The following DDR1 variants were observed in gnomAD, a reference collection of about 807,000 sequenced individuals.
The protein encoded by DDR1 is epithelial discoidin domain-containing receptor 1.
In DDR1, 64 loss-of-function variants were observed where a neutral mutation model predicts 97.4. The ratio of observed to expected loss-of-function variants is 0.66; its 90% CI spans 0.54 to 0.81. The LOEUF (loss-of-function observed/expected upper bound fraction) is 0.81, where lower values mean the gene tolerates loss of function less well. Among genes scored for constraint, DDR1 ranks in the 30% least tolerant of loss-of-function variants. DDR1 has a pLI of 0.00. For synonymous variants in DDR1, 458 were observed against 503.7 expected, an observed-to-expected ratio of 0.91 and a Z score of 1.21; for missense variants, 990 against 1,259.6, an observed-to-expected ratio of 0.79 and a Z score of 3.24.
chr6:30,885,042 C>T (rs1785272189), intron 1 of DDR1: 1 of 631,234 alleles, frequency 1.6e-6, no homozygotes, highest in Non-Finnish European at 2.8e-6. Context: ...GTCAGCTCAT[C>T]TATCGCCTGC....
chr6:30,897,271 G>A lies in DDR1; in HGVS notation c.1998-108G>A. The A allele has an allele frequency of 6.8e-7, 1 of 1,466,134 alleles. No individual in the cohort carries two copies. Among genetic ancestry groups the A allele is most frequent in the South Asian group, 1.3e-5 (1 of 77,636 alleles). The allele number at this position is 1,466,134 out of a possible 1,614,324, so 90.8% of individuals were successfully genotyped here. A position where few individuals can be genotyped will look rare whatever the true frequency, so the allele number is the denominator to read the frequency against. On this transcript the variant is annotated intron_variant, in intron 14 of 17. Coordinates refer to ENST00000376568, the MANE Select transcript of DDR1 (RefSeq NM_001297654.2). This position sits in a 1 kb window ranked among gnomAD's most constrained non-coding sequence, Gnocchi z 5.2. ...TGGGAGGGGATTTACATGTACGCTG[G>A]GGGTGGGGACGCCTGGTCTGCCTGA...
rs2150346874 is a variant in DDR1 at position 30,891,999 on chromosome 6, C to T, written c.666-3C>T. 3 of 1,613,858 alleles carry T rather than the reference C, an allele frequency of 1.9e-6. No individual in the cohort carries two copies. The highest frequency in any genetic ancestry group is 1.7e-6 in the Non-Finnish European group (2 of 1,179,930). ...TCCTCTTCCTTGGTCCCCTCTTCTC[C>T]AGACTGCAGTATGGGGGTCTGGGCC... On this transcript the variant is annotated splice_region_variant and splice_polypyrimidine_tract_variant and intron_variant, in intron 6 of 17. Coordinates refer to ENST00000376568, the MANE Select transcript of DDR1 (RefSeq NM_001297654.2). The surrounding 1 kb of genome is among the most constrained non-coding windows in gnomAD (Gnocchi z 5.3).
chr6:30,893,140 C>T lies in DDR1; in HGVS notation c.1172C>T (p.Pro391Leu), dbSNP rs1281654800. The part of the protein sequence containing the change: ...PPAPWWPPGP[P>L]PTNFSSLELE... Reference sequence around the variant, plus strand: ...GCCCCCTGGTGGCCGCCTGGCCCACCTCCCACCAACTTCAGCAGCTTGGGT... The same window carrying T: ...GCCCCCTGGTGGCCGCCTGGCCCACTTCCCACCAACTTCAGCAGCTTGGGT... Residue 391 changes from proline (P) to leucine (L), a missense_variant, in exon 9 of 18, where the codon CCT becomes CTT. Coordinates refer to ENST00000376568, the MANE Select transcript of DDR1 (RefSeq NM_001297654.2). 6.2e-7 allele frequency: 1 copy of T among 1,609,874 alleles called. No individual in the cohort carries two copies. Among genetic ancestry groups the T allele is most frequent in the African/African-American group, 1.3e-5 (1 of 74,934 alleles).
rs1788854728 is a variant in DDR1, at chr6:30,892,459, G to T, written c.1016G>T (p.Gly339Val). 2 of 1,609,852 alleles carry T rather than the reference G, an allele frequency of 1.2e-6. No homozygotes were observed. Among genetic ancestry groups the T allele is most frequent in the East Asian group, 4.5e-5 (2 of 44,880 alleles). ...GCCCGGGCTGTCTCAGTGCCCCTTG[G>T]CGGCCGTGTGGCTCGCTTTCTGCAG... ...PRARAVSVPL[G>V]GRVARFLQCR... Residue 339 changes from glycine (G) to valine (V), a missense_variant, in exon 8 of 18, where the codon GGC becomes GTC. Gly to Val is a moderately radical substitution (Grantham distance 109). Transcript: ENST00000376568.
rs540154523 is a variant in DDR1, at chr6:30,894,263, C to CAA, written c.1348-234_1348-233dup. 6.8e-6 allele frequency among the ~76,000 whole-genome samples: 1 copy of CAA among 146,424 alleles called. No homozygotes were observed. The highest frequency in any genetic ancestry group is 1.5e-5 in the Non-Finnish European group (1 of 66,016). Reference sequence around the variant, plus strand: ...ATTCCATCTCAAAAAAACAAACAAACAAAAAAAAAACGGTTGATAGTTATG... The same window carrying CAA: ...ATTCCATCTCAAAAAAACAAACAAACAAAAAAAAAAAACGGTTGATAGTTATG... On this transcript the variant is annotated intron_variant, in intron 10 of 17. Transcript: ENST00000376568. This position sits in a 1 kb window ranked among gnomAD's most constrained non-coding sequence, Gnocchi z 5.7.
intron 15 of DDR1, 21 bp from the exon 16 acceptor site, chr6:30,898,052 T>C: frequency 6.3e-7 from 1 of 1,597,272 alleles, no homozygotes; most frequent in Non-Finnish European, 8.6e-7. Context: ...CCCAGTGACC[T>C]TCTGTCGGTT....
chr6:30,884,326 CG>C (rs1206804471), upstream of DDR1: 2 of 131,608 alleles, frequency 1.5e-5, no homozygotes, highest in African/African-American at 5.8e-5. This position sits in a 1 kb window ranked among gnomAD's most constrained non-coding sequence, Gnocchi z 6.1. Flanking sequence ...GTGGCGGGCG[CG>C]GGGCCTGGAG....
intron 16 of DDR1, 76 bp downstream of exon 16, chr6:30,898,383 C>T: frequency 9.5e-7 from 1 of 1,052,984 alleles, no homozygotes; most frequent in Non-Finnish European, 1.4e-6. Context: ...GCCCTGGTCT[C>T]CATCAGTCAC....
chr6:30,893,728 G>T (rs954095061), intron 10 of DDR1, among the ~76,000 whole-genome samples: 1 of 152,192 alleles, frequency 6.6e-6, no homozygotes, highest in Admixed American at 6.5e-5. Flanking sequence ...TACCCCTCAG[G>T]GAGGGCCTGG....
intron 12 of DDR1, among the ~76,000 whole-genome samples, chr6:30,895,995 G>A (rs924983420): frequency 6.6e-6 from 1 of 152,014 alleles, no homozygotes; most frequent in African/African-American, 2.4e-5. Context: ...TTCTCATTGT[G>A]GCCCCTTCCC....
chr6:30,900,043 TG>T lies in DDR1; in HGVS notation c.*748del. The T allele has an allele frequency of 1.7e-6, 1 of 596,428 alleles. No homozygotes were observed. The highest frequency in any genetic ancestry group is 3.3e-6 in the Non-Finnish European group (1 of 307,674). 36.9% of individuals were successfully genotyped at this position (596,428 alleles called of 1,614,324 possible). ...GATTTTTCTATAATCACTTGGGGTT[TG>T]TACATTTTTGGGGGGAGAGACACAG... On this transcript the variant is annotated 3_prime_UTR_variant, in exon 18 of 18. Coordinates refer to ENST00000376568, the MANE Select transcript of DDR1 (RefSeq NM_001297654.2).
Position 30,890,940 on chromosome 6 carries a change from C to T in DDR1, c.418-33C>T. On this transcript the variant is annotated intron_variant, in intron 4 of 17. Coordinates refer to ENST00000376568, the MANE Select transcript of DDR1 (RefSeq NM_001297654.2). This position sits in a 1 kb window ranked among gnomAD's most constrained non-coding sequence, Gnocchi z 5.0. ...GGGAAGTAAGATCTGACCTGGACTC[C>T]ATCCCACCCACCCCCTGTTTCCTGG... 1 of 1,558,070 alleles carries T rather than the reference C, an allele frequency of 6.4e-7. No homozygotes were observed.
rs950612901 is a variant in DDR1, at chr6:30,887,834, A to C, written c.-42-854A>C. ...AGGCTGGTCTCTAACTCCTGGCCTC[A>C]AGTGATCCTCCCATCTCGGCCTCCC... On this transcript the variant is annotated intron_variant, in intron 1 of 17. Coordinates refer to ENST00000376568, the MANE Select transcript of DDR1 (RefSeq NM_001297654.2). Among the ~76,000 whole-genome samples, 3 of 152,144 alleles carry C rather than the reference A, an allele frequency of 2.0e-5. No homozygotes were observed. The East Asian group carries it at 5.8e-4, about 29-fold the overall frequency.
chr6:30,899,446 C>A lies in DDR1; in HGVS notation c.*150C>A. The A allele has an allele frequency of 1.0e-6, 1 of 989,172 alleles. No individual in the cohort carries two copies. Among genetic ancestry groups the A allele is most frequent in the Non-Finnish European group, 1.4e-6 (1 of 693,114 alleles). The allele number at this position is 989,172 out of a possible 1,614,324, so 61.3% of individuals were successfully genotyped here. ...AGTGAGACTGCAGGTGGGCTGGGCCCACCCAGGGAGCTGATGCCCCTTCTC... is the reference window on the plus strand; with the variant it reads ...AGTGAGACTGCAGGTGGGCTGGGCCAACCCAGGGAGCTGATGCCCCTTCTC... On this transcript the variant is annotated 3_prime_UTR_variant, in exon 18 of 18. Coordinates refer to ENST00000376568, the MANE Select transcript of DDR1 (RefSeq NM_001297654.2).
chr6:30,892,531 C>T lies in DDR1; in HGVS notation c.1088C>T (p.Ser363Phe). The change falls in exon 8 of 18, where the codon TCC (serine) becomes TTC (phenylalanine). Residue 363 changes from serine (S) to phenylalanine (F), a missense_variant. Ser to Phe is a radical substitution (Grantham distance 155). Transcript: ENST00000376568. ...CCCTGGTTACTCTTCAGCGAAATCT[C>T]CTTCATCTCTGGTAAGCCCTGGAGT... ...AGPWLLFSEI[S>F]FISDVVNNSS... 6.3e-7 allele frequency: 1 copy of T among 1,591,424 alleles called. No individual in the cohort carries two copies. Among genetic ancestry groups the T allele is most frequent in the Non-Finnish European group, 8.6e-7 (1 of 1,167,158 alleles).
intron 1 of DDR1, among the ~76,000 whole-genome samples, chr6:30,885,968 T>C (rs1158819883): frequency 2.0e-5 from 3 of 151,878 alleles, no homozygotes; most frequent in Admixed American, 2.0e-4. Context: ...GGGGGTGGGA[T>C]TGGGGAAGGT....
chr6:30,885,046 C>T (rs1469127252), intron 1 of DDR1: 5 of 643,694 alleles, frequency 7.8e-6, no homozygotes, highest in Non-Finnish European at 1.4e-5. Context: ...GCTCATCTAT[C>T]GCCTGCCCTC....
rs1329734712 is a variant in DDR1, at chr6:30,890,237, C to G, written c.418-736C>G. 2.0e-5 allele frequency among the ~76,000 whole-genome samples: 3 copies of G among 152,312 alleles called. No individual in the cohort carries two copies. The highest frequency in any genetic ancestry group is 1.3e-4 in the Admixed American group (2 of 15,300). On this transcript the variant is annotated intron_variant, in intron 4 of 17. Coordinates refer to ENST00000376568, the MANE Select transcript of DDR1 (RefSeq NM_001297654.2). This position sits in a 1 kb window ranked among gnomAD's most constrained non-coding sequence, Gnocchi z 5.0. ...CCCTAGCTGGTGCAGGATGCTCAGC[C>G]TGACCTGGCTCCTGCCTGCATCACT...
At position 30,889,835 on chromosome 6, in the gene DDR1, C is replaced by T. The variant is rs966628117; in HGVS notation, c.417+405C>T. Among the ~76,000 whole-genome samples the T allele has an allele frequency of 6.6e-6, 1 of 152,140 alleles. No homozygotes were observed. The highest frequency in any genetic ancestry group is 2.4e-5 in the African/African-American group (1 of 41,430). On this transcript the variant is annotated intron_variant, in intron 4 of 17. Coordinates refer to ENST00000376568, the MANE Select transcript of DDR1 (RefSeq NM_001297654.2). The surrounding 1 kb of genome is among the most constrained non-coding windows in gnomAD (Gnocchi z 4.9). ...AAACCTGCTCCTCCCCTGGCATTCT[C>T]CAGCTCAGGAAGTGGTATCACCATT...
Sources: gnomAD v4.1 joint callset for allele counts (sites outside exome capture counted in the v4.1 genomes callset) on GRCh38, gnomAD v4.1.1 for gene constraint, Gnocchi (gnomAD v3.1) non-coding constraint, MANE v1.5 for transcripts, NCBI Gene and HGNC (gene_info 2026-07-23, HGNC 2026-07-21) for gene names.